Variants in HPD observed in about 807,000 individuals in gnomAD.
HPD encodes the protein 4-hydroxyphenylpyruvic acid oxidase.
A neutral mutation model predicts 56.9 loss-of-function variants in HPD; 35 were observed. The observed-to-expected ratio is 0.62, with a 90% CI of 0.47 to 0.82. The LOEUF is 0.82. Ranked by LOEUF, HPD falls within the 40% of genes least tolerant of loss-of-function variation. The pLI is 0.00. For missense variants in HPD, 442 were observed against 506.8 expected, an observed-to-expected ratio of 0.87 and a Z score of 1.23; for synonymous variants, 186 against 200.2, an observed-to-expected ratio of 0.93 and a Z score of 0.60.
chr12:121,886,982 C>T, the HPD span, among the ~76,000 whole-genome samples: 1 of 152,192 alleles, frequency 6.6e-6, no homozygotes, highest in Non-Finnish European at 1.5e-5. Flanking sequence ...TCATTGCAAC[C>T]TCTGCCTCCC....
At chr12:121,887,085 A>G in the HPD span, among the ~76,000 whole-genome samples, 6 of 152,096 alleles carry the variant, frequency 3.9e-5, no homozygotes, top group African/African-American at 1.4e-4. Context: ...TTTTTAGTAG[A>G]GACGGTGTTT....
chr12:121,853,672 G>C (rs1217549707), intron 7 of HPD, among the ~76,000 whole-genome samples: 1 of 149,092 alleles, frequency 6.7e-6, no homozygotes, highest in Non-Finnish European at 1.5e-5. Flanking sequence ...AGCCTGGCAC[G>C]GTGGCTCACG....
At position 121,853,637 on chromosome 12, in the gene HPD, A is replaced by AG. The variant is rs1167279186; in HGVS notation, c.414+1065_414+1066insC. Among the ~76,000 whole-genome samples, 6 of 144,138 alleles carry AG rather than the reference A, an allele frequency of 4.2e-5. No individual in the cohort carries two copies. The Admixed American group carries it at 4.2e-4, about 10-fold the overall frequency. 94.6% of individuals were successfully genotyped at this position (144,138 alleles called of 152,430 possible). ...ACTCCATCTCAAAAAAAAAAAAAAAAAGAAAAAAGAAAGTTGAAGAAAACA... is the reference window on the plus strand; with the variant it reads ...ACTCCATCTCAAAAAAAAAAAAAAAAGAGAAAAAAGAAAGTTGAAGAAAACA... On this transcript the variant is annotated intron_variant, in intron 7 of 13. Coordinates refer to ENST00000289004, the MANE Select transcript of HPD (RefSeq NM_002150.3).
upstream of HPD, among the ~76,000 whole-genome samples, chr12:121,861,170 T>A (rs1878163311): frequency 6.6e-6 from 1 of 152,104 alleles, no homozygotes; most frequent in East Asian, 1.9e-4. Flanking sequence ...ACACCGTCTC[T>A]ACTAAAAATA....
chr12:121,856,954 G>T, intron 4 of HPD: 1 of 511,630 alleles, frequency 2.0e-6, no homozygotes, highest in Non-Finnish European at 3.5e-6. Flanking sequence ...GTCAGTGTTG[G>T]GCCAGGCTGA....
At position 121,846,139 on chromosome 12, in the gene HPD, T is replaced by A. The variant is rs1305728665; in HGVS notation, c.831+723A>T. Among the ~76,000 whole-genome samples the A allele has an allele frequency of 3.3e-5, 5 of 152,330 alleles. No individual in the cohort carries two copies. In the South Asian group the frequency reaches 1.0e-3, roughly 32 times the overall value. On this transcript the variant is annotated intron_variant, in intron 11 of 13. Transcript: ENST00000289004. ...ATCTCTAACTTATGGGCTCAAACAATCCTTCTGCTTTGGCCTCCCGTGTAG... is the reference window on the plus strand; with the variant it reads ...ATCTCTAACTTATGGGCTCAAACAAACCTTCTGCTTTGGCCTCCCGTGTAG...
At chr12:121,851,889 T>G (rs1174863204) in intron 7 of HPD, among the ~76,000 whole-genome samples, 1 of 32,462 alleles carries the variant, frequency 3.1e-5, no homozygotes, top group Non-Finnish European at 7.0e-5. Flanking sequence ...TTTTGTATTT[T>G]TTTTTTTTTT....
intron 11 of HPD, 113 bp downstream of exon 11, chr12:121,846,749 T>C: frequency 1.0e-6 from 1 of 962,442 alleles, no homozygotes. Flanking sequence ...CCTGTCAGTC[T>C]CCCAGCCCAG....
chr12:121,846,534 A>C (rs1167181190), intron 11 of HPD, among the ~76,000 whole-genome samples: 1 of 152,102 alleles, frequency 6.6e-6, no homozygotes, highest in African/African-American at 2.4e-5. Context: ...CCTGATTTTT[A>C]AGGTAAGGCA....
At chr12:121,843,592 C>T in intron 12 of HPD, 118 bp downstream of exon 12, 2 of 1,159,338 alleles carry the variant, frequency 1.7e-6, no homozygotes, top group South Asian at 1.3e-5. Flanking sequence ...GAATAAATGT[C>T]CTTTGCCAGC....
chr12:121,845,618 A>G (rs963038877), intron 11 of HPD, among the ~76,000 whole-genome samples: 109 of 151,570 alleles, frequency 7.2e-4, no homozygotes, highest in African/African-American at 2.6e-3. Flanking sequence ...AAAAAAAAAA[A>G]AAGGATGAGG....
At chr12:121,858,914 T>C (rs1350264953), upstream of HPD, 1 of 1,494,416 alleles carries the variant, frequency 6.7e-7, no homozygotes, top group African/African-American at 1.4e-5. Flanking sequence ...CGCCCAGGCC[T>C]CCTGGCCTAC....
chr12:121,848,531 T>G (rs1350616924), intron 9 of HPD, among the ~76,000 whole-genome samples: 1 of 151,862 alleles, frequency 6.6e-6, no homozygotes, highest in African/African-American at 2.4e-5. Context: ...AGGCTGGTCT[T>G]GAACTCCTGA....
chr12:121,856,279 CA>C, intron 6 of HPD, 44 bp downstream of exon 6: 1 of 1,497,488 alleles, frequency 6.7e-7, no homozygotes, highest in Non-Finnish European at 9.3e-7. Flanking sequence ...GTCCCCATGG[CA>C]GACGGAGGCC....
intron 4 of HPD, 70 bp from the exon 5 acceptor site, chr12:121,856,695 C>T: frequency 1.2e-5 from 17 of 1,473,922 alleles, no homozygotes; most frequent in Non-Finnish European, 1.6e-5. Context: ...CCATCGGCCC[C>T]TCCCTGCCGA....
the HPD span, among the ~76,000 whole-genome samples, chr12:121,879,718 C>T: frequency 3.3e-5 from 5 of 152,086 alleles, no homozygotes; most frequent in South Asian, 6.2e-4. Context: ...ATAGATATGA[C>T]AAGATATACA....
upstream of HPD, among the ~76,000 whole-genome samples, chr12:121,865,850 G>C (rs958346072): frequency 6.6e-6 from 1 of 151,814 alleles, no homozygotes; most frequent in Non-Finnish European, 1.5e-5. Context: ...AGAGCTGGGC[G>C]TAGTGTTGGG....
At chr12:121,847,568 G>A (rs552438620) in intron 9 of HPD, among the ~76,000 whole-genome samples, 10 of 151,620 alleles carry the variant, frequency 6.6e-5, no homozygotes, top group African/African-American at 1.9e-4. Context: ...ACGGAGTTTC[G>A]CTCTTTTCGC....
chr12:121,878,645 A>C, the HPD span, among the ~76,000 whole-genome samples: 1 of 150,606 alleles, frequency 6.6e-6, no homozygotes, highest in Non-Finnish European at 1.5e-5. Context: ...CACTGTGCCC[A>C]GGTTACAGAT....
Sources: gnomAD v4.1 joint callset for allele counts (sites outside exome capture counted in the v4.1 genomes callset) on GRCh38, gnomAD v4.1.1 for gene constraint, MANE v1.5 for transcripts, NCBI Gene and HGNC (gene_info 2026-07-23, HGNC 2026-07-21) for gene names.